RAPGEF4: variants seen among roughly 807,000 people sequenced by gnomAD.
The protein encoded by RAPGEF4 is Rap guanine nucleotide exchange factor 4.
In RAPGEF4, 66 loss-of-function variants were observed where a neutral mutation model predicts 147.9. The ratio of observed to expected loss-of-function variants is 0.45; its 90% CI spans 0.37 to 0.55. The LOEUF (loss-of-function observed/expected upper bound fraction) is 0.55, where lower values mean the gene tolerates loss of function less well. RAPGEF4 is among the 20% of genes least tolerant of loss of function. The pLI is 0.00. For missense variants in RAPGEF4, 1,071 were observed against 1,257.3 expected (o/e 0.85, Z 2.24); for synonymous variants, 419 against 442.7 (o/e 0.95, Z 0.67).
intron 6 of RAPGEF4, among the ~76,000 whole-genome samples, chr2:172,938,165 G>A (rs1686786957): frequency 6.6e-6 from 1 of 151,096 alleles, no homozygotes; most frequent in Non-Finnish European, 1.5e-5. Context: ...GAGATAGCAA[G>A]GAAATACATG....
chr2:172,982,460 G>C (rs1691789061), intron 10 of RAPGEF4, among the ~76,000 whole-genome samples: 4 of 152,232 alleles, frequency 2.6e-5, no homozygotes, highest in Non-Finnish European at 5.9e-5. Flanking sequence ...TAACCCATTA[G>C]TTTGTTTTCA....
At chr2:172,838,261 C>T (rs1404412943) in intron 4 of RAPGEF4, among the ~76,000 whole-genome samples, 1 of 152,038 alleles carries the variant, frequency 6.6e-6, no homozygotes, top group East Asian at 1.9e-4. Flanking sequence ...AAAGAATATC[C>T]TCCTCAAAAA....
chr2:172,992,194 A>G (rs1455405230), intron 15 of RAPGEF4, among the ~76,000 whole-genome samples: 1 of 152,270 alleles, frequency 6.6e-6, no homozygotes, highest in Non-Finnish European at 1.5e-5. Flanking sequence ...CAAAAGGACT[A>G]TGTAAAAAAA....
At chr2:172,974,343 G>T (rs1166689903) in intron 10 of RAPGEF4, among the ~76,000 whole-genome samples, 2 of 152,116 alleles carry the variant, frequency 1.3e-5, no homozygotes, top group Non-Finnish European at 1.5e-5. Flanking sequence ...ATGGGTTTAT[G>T]CTTTGAGCAT....
Position 172,965,580 on chromosome 2 carries a change from T to G in RAPGEF4, c.717T>G (p.Thr239=), listed in dbSNP as rs1258741719. ...LKTYRQCCVG[T]ELVDWMMQQT... ...TCCTTAGACAATGCTGTGTGGGAACTGAACTGGTGGACTGGATGATGCAGC... is the reference window on the plus strand; with the variant it reads ...TCCTTAGACAATGCTGTGTGGGAACGGAACTGGTGGACTGGATGATGCAGC... Residue 239 remains threonine (T), a synonymous_variant, in exon 9 of 31, where the codon ACT becomes ACG. Transcript: ENST00000397081. 2.5e-6 allele frequency: 4 copies of G among 1,613,826 alleles called. No homozygotes were observed. The highest frequency in any genetic ancestry group is 3.4e-6 in the Non-Finnish European group (4 of 1,179,704).
Position 172,990,837 on chromosome 2 carries a change from A to C in RAPGEF4, c.1402A>C (p.Lys468Gln), listed in dbSNP as rs756003634. Residue 468 changes from lysine to glutamine, a missense_variant, in exon 15 of 31, where the codon AAA (lysine) becomes CAA (glutamine). By Grantham distance (53) the Lys-to-Gln change is moderately conservative. Coordinates refer to ENST00000397081, the MANE Select transcript of RAPGEF4 (RefSeq NM_007023.4). ...CGTGGAGGCGAATACAGTCAGACTT[A>C]AAGAACATGACCAAGATGTCTTGGT... ...RDVEANTVRL[K>Q]EHDQDVLVLE... 1 of 1,613,864 alleles carries C rather than the reference A, an allele frequency of 6.2e-7. No homozygotes were observed. The highest frequency in any genetic ancestry group is 1.3e-5 in the African/African-American group (1 of 74,936).
chr2:172,957,434 C>G (rs1559144418), intron 6 of RAPGEF4, among the ~76,000 whole-genome samples: 1 of 152,242 alleles, frequency 6.6e-6, no homozygotes, highest in South Asian at 2.1e-4. Context: ...ATGCAGGGGT[C>G]TCTGAACAGG....
chr2:173,017,692 G>T (rs1695638443), intron 21 of RAPGEF4, among the ~76,000 whole-genome samples, 188 bp downstream of exon 21: 1 of 152,172 alleles, frequency 6.6e-6, no homozygotes, highest in African/African-American at 2.4e-5. Flanking sequence ...CTGAAGCCGA[G>T]ATGCCTGTCT....
rs1373266671 is a variant in RAPGEF4, at chr2:172,988,349, G to A, written c.1227+77G>A. 2.6e-6 allele frequency: 4 copies of A among 1,515,044 alleles called. No individual in the cohort carries two copies. In the East Asian group the frequency reaches 9.3e-5, roughly 35 times the overall value. The allele number at this position is 1,515,044 out of a possible 1,614,324, so 93.9% of individuals were successfully genotyped here. A position where few individuals can be genotyped will look rare whatever the true frequency, so the allele number is the denominator to read the frequency against. ...TGGCTCTAAGTATTAGCAATGTAGT[G>A]CCACAATTAAATTTGCAACAACATT... On this transcript the variant is annotated intron_variant, in intron 13 of 30. Transcript: ENST00000397081.
intron 1 of RAPGEF4, among the ~76,000 whole-genome samples, chr2:172,772,325 T>C (rs565343758): frequency 2.8e-4 from 40 of 142,282 alleles, no homozygotes; most frequent in Admixed American, 8.8e-4. Context: ...TATTTTATTA[T>C]TTATATTATT....
At chr2:172,988,649 C>G (rs1421803610) in intron 13 of RAPGEF4, 44 bp from the exon 14 acceptor site, 17 of 1,572,146 alleles carry the variant, frequency 1.1e-5, no homozygotes, top group South Asian at 3.4e-5. Context: ...GGTGTTTGCT[C>G]TATTTCAGGG....
chr2:172,943,799 G>T (rs1258125572), intron 6 of RAPGEF4, among the ~76,000 whole-genome samples: 1 of 152,094 alleles, frequency 6.6e-6, no homozygotes. Flanking sequence ...AACAGTTGTT[G>T]CATGAACCAC....
At chr2:172,999,468 A>G (rs908491819) in intron 16 of RAPGEF4, among the ~76,000 whole-genome samples, 3 of 152,214 alleles carry the variant, frequency 2.0e-5, no homozygotes, top group African/African-American at 7.2e-5. Context: ...AGTTGTTTAC[A>G]TCATAAAAAT....
At chr2:172,919,741 C>G (rs1684520415) in intron 5 of RAPGEF4, among the ~76,000 whole-genome samples, 1 of 152,132 alleles carries the variant, frequency 6.6e-6, no homozygotes, top group Admixed American at 6.5e-5. Context: ...CTCTCAAGCT[C>G]AAAATGTTGA....
intron 4 of RAPGEF4, among the ~76,000 whole-genome samples, chr2:172,877,613 G>C (rs1696120036): frequency 6.6e-6 from 1 of 151,924 alleles, no homozygotes; most frequent in Admixed American, 6.6e-5. Context: ...ACTAAACCTT[G>C]CTTTTCTCAC....
chr2:172,984,261 A>G (rs1691998267), intron 11 of RAPGEF4, among the ~76,000 whole-genome samples: 1 of 152,200 alleles, frequency 6.6e-6, no homozygotes, highest in African/African-American at 2.4e-5. Flanking sequence ...AGTGGTTTCA[A>G]CTTTCACAGA....
intron 6 of RAPGEF4, among the ~76,000 whole-genome samples, chr2:172,931,969 T>C (rs6741323): frequency 0.95 from 134,856 of 141,852 alleles, 64,620 homozygotes; most frequent in East Asian, 1. Context: ...TCACACCCCT[T>C]GACTCCCATG....
Position 173,018,831 on chromosome 2 carries a change from C to A in RAPGEF4, c.2155+29C>A, listed in dbSNP as rs539566523. On this transcript the variant is annotated intron_variant, in intron 22 of 30. Coordinates refer to ENST00000397081, the MANE Select transcript of RAPGEF4 (RefSeq NM_007023.4). The stretch of plus-strand genomic sequence containing the variant: ...ACAGTCTTAATTCATATTTTAGGCT[C>A]TGCAAAATGGGACATTCCATCCAAG... The A allele has an allele frequency of 4.5e-5, 72 of 1,604,158 alleles. No homozygotes were observed. The South Asian group carries it at 7.6e-4, about 17-fold the overall frequency.
At chr2:172,979,312 C>T (rs1691427488) in intron 10 of RAPGEF4, among the ~76,000 whole-genome samples, 1 of 152,202 alleles carries the variant, frequency 6.6e-6, no homozygotes. Context: ...ACTGCCATCT[C>T]CCTTGGGCAG....
Sources: allele counts gnomAD v4.1 joint callset (sites outside exome capture counted in the v4.1 genomes callset), GRCh38; gene constraint gnomAD v4.1.1; transcripts MANE v1.5; gene names NCBI Gene and HGNC (gene_info 2026-07-23, HGNC 2026-07-21).